The following PDE1A variants were observed in gnomAD, a reference collection of about 807,000 sequenced individuals.
PDE1A encodes phosphodiesterase 1A, also known as dual specificity calcium/calmodulin-dependent 3',5'-cyclic nucleotide phosphodiesterase 1A.
PDE1A carries 35 observed loss-of-function variants against 61.7 expected under a neutral mutation model. The ratio of observed to expected loss-of-function variants is 0.57; its 90% CI spans 0.43 to 0.75. PDE1A has a LOEUF of 0.75. PDE1A is among the 30% of genes least tolerant of loss of function. The probability of loss-of-function intolerance (pLI) is 0.00; values close to 1 mark genes in which losing one functional copy is unlikely to be tolerated. For synonymous variants in PDE1A, 232 were observed against 213.2 expected (o/e 1.09, Z -0.77); for missense variants, 597 against 630.6 (o/e 0.95, Z 0.57).
intron 7 of PDE1A, among the ~76,000 whole-genome samples, chr2:182,211,790 CA>C (rs1687623398): frequency 6.6e-6 from 1 of 152,170 alleles, no homozygotes; most frequent in Non-Finnish European, 1.5e-5. Flanking sequence ...TTTCCAATTT[CA>C]AATTACATTT....
At chr2:182,359,872 T>C (rs777164869) in intron 1 of PDE1A, among the ~76,000 whole-genome samples, 1 of 152,128 alleles carries the variant, frequency 6.6e-6, no homozygotes, top group Non-Finnish European at 1.5e-5. Context: ...TATCTTGAGA[T>C]TGCCAAGGAA....
intron 1 of PDE1A, among the ~76,000 whole-genome samples, chr2:182,301,373 A>C (rs914531510): frequency 4.6e-5 from 7 of 152,170 alleles, no homozygotes; most frequent in Non-Finnish European, 8.8e-5. Context: ...TAACAGGTGG[A>C]ATACATGGCT....
At chr2:182,227,596 C>T (rs1222825950) in intron 6 of PDE1A, among the ~76,000 whole-genome samples, 3 of 151,992 alleles carry the variant, frequency 2.0e-5, no homozygotes, top group African/African-American at 7.2e-5. Context: ...GTTTTAGGCA[C>T]TAGGTTAGGT....
At chr2:182,466,986 T>C (rs552401517) in intron 2 of PDE1A, among the ~76,000 whole-genome samples, 1 of 152,040 alleles carries the variant, frequency 6.6e-6, no homozygotes, top group Non-Finnish European at 1.5e-5. Flanking sequence ...ATTTGTCTTT[T>C]GAGCTGCTAG....
chr2:182,349,935 T>C (rs754037010), intron 1 of PDE1A, among the ~76,000 whole-genome samples: 5 of 152,150 alleles, frequency 3.3e-5, no homozygotes, highest in Non-Finnish European at 7.3e-5. Context: ...ATAACATACA[T>C]ACAGAAAATG....
intron 2 of PDE1A, among the ~76,000 whole-genome samples, chr2:182,513,831 T>C (rs1045907874): frequency 6.6e-6 from 1 of 152,102 alleles, no homozygotes; most frequent in Admixed American, 6.5e-5. Flanking sequence ...AAGCCAACAA[T>C]GATCAAAAAG....
intron 2 of PDE1A, among the ~76,000 whole-genome samples, chr2:182,441,087 G>A (rs1052211299): frequency 6.6e-6 from 1 of 151,996 alleles, no homozygotes; most frequent in Admixed American, 6.6e-5. Context: ...GACAAAGGAA[G>A]AGCCAAGGGT....
chr2:182,522,378 A>G, exon 2 of PDE1A: 1 of 1,613,370 alleles, frequency 6.2e-7, no homozygotes, highest in Non-Finnish European at 8.5e-7. Flanking sequence ...AGACCCCATG[A>G]TGATGCTCCT....
chr2:182,703,755 C>T, the PDE1A span, among the ~76,000 whole-genome samples: 16 of 152,180 alleles, frequency 1.1e-4, no homozygotes, highest in Admixed American at 3.3e-4. Context: ...TCTTCAATTT[C>T]AGAGAAGCCA....
intron 2 of PDE1A, among the ~76,000 whole-genome samples, chr2:182,481,250 A>G (rs946414699): frequency 6.6e-6 from 1 of 151,958 alleles, no homozygotes. Context: ...ATTGTAAAAA[A>G]GCAGTTTTAT....
chr2:182,711,253 C>G, the PDE1A span, among the ~76,000 whole-genome samples: 2 of 152,084 alleles, frequency 1.3e-5, no homozygotes, highest in Admixed American at 6.6e-5. Context: ...GGGGCAATCA[C>G]ACAGGGGATG....
Position 182,439,737 on chromosome 2 carries a change from T to C in PDE1A, c.101+82539A>G, listed in dbSNP as rs544651927. On this transcript the variant is annotated intron_variant, in intron 2 of 14. Transcript: ENST00000410103. ...TTAAGGTTGGGAGAATTTTTCTGATTAGGCACACAAAACAAGCACTTCAGT... is the reference window on the plus strand; with the variant it reads ...TTAAGGTTGGGAGAATTTTTCTGATCAGGCACACAAAACAAGCACTTCAGT... 1.0e-3 allele frequency among the ~76,000 whole-genome samples: 153 copies of C among 152,188 alleles called. 2 individuals carry two copies. Among genetic ancestry groups the C allele is most frequent in the African/African-American group, 3.6e-3 (148 of 41,562 alleles).
chr2:182,554,001 G>C, the PDE1A span, among the ~76,000 whole-genome samples: 7 of 152,176 alleles, frequency 4.6e-5, no homozygotes, highest in African/African-American at 1.7e-4. Context: ...ACTGTTTTAG[G>C]CAGGGGGGTT....
upstream of PDE1A, among the ~76,000 whole-genome samples, chr2:182,524,121 G>C (rs1214350296): frequency 1.3e-5 from 2 of 151,980 alleles, no homozygotes; most frequent in Non-Finnish European, 2.9e-5. Context: ...GTGAATCTTT[G>C]CCCTGAAAGT....
At chr2:182,200,005 G>T (rs938730219) in intron 10 of PDE1A, among the ~76,000 whole-genome samples, 12 of 151,516 alleles carry the variant, frequency 7.9e-5, no homozygotes, top group African/African-American at 2.9e-4. Context: ...AGAAACGTGA[G>T]TCATCCAAAC....
At chr2:182,400,937 T>C (rs536120440) in intron 1 of PDE1A, among the ~76,000 whole-genome samples, 33 of 152,322 alleles carry the variant, frequency 2.2e-4, no homozygotes, top group African/African-American at 5.5e-4. Context: ...ATGATTCCTA[T>C]CAGAGAGGAG....
intron 2 of PDE1A, among the ~76,000 whole-genome samples, chr2:182,442,444 G>A (rs1349181375): frequency 6.6e-6 from 1 of 151,954 alleles, no homozygotes; most frequent in Non-Finnish European, 1.5e-5. Flanking sequence ...TTGGGACAAA[G>A]ACAAAACTTG....
At chr2:182,461,016 T>C (rs934264) in intron 2 of PDE1A, among the ~76,000 whole-genome samples, 71,021 of 151,840 alleles carry the variant, frequency 0.47, 17,116 homozygotes, top group East Asian at 0.72. Flanking sequence ...ATAAGCTTCT[T>C]TACTATTTGC....
chr2:182,521,605 T>C (rs1221300200), intron 2 of PDE1A, among the ~76,000 whole-genome samples: 2 of 152,048 alleles, frequency 1.3e-5, no homozygotes, highest in African/African-American at 4.8e-5. Context: ...GCAATTAACG[T>C]CTGACTTAGG....
Sources: gnomAD v4.1 joint callset for allele counts (sites outside exome capture counted in the v4.1 genomes callset) on GRCh38, gnomAD v4.1.1 for gene constraint, MANE v1.5 for transcripts, NCBI Gene and HGNC (gene_info 2026-07-23, HGNC 2026-07-21) for gene names.